TTC7B: variants seen among roughly 807,000 people sequenced by gnomAD.
The protein encoded by TTC7B is tetratricopeptide repeat domain 7B.
In TTC7B, 28 loss-of-function variants were observed where a neutral mutation model predicts 106.8. That is an observed-to-expected ratio of 0.26 (90% CI 0.19 to 0.36). The LOEUF (loss-of-function observed/expected upper bound fraction) is 0.36. TTC7B is among the 10% of genes least tolerant of loss of function. The pLI, the probability that TTC7B is intolerant of heterozygous loss-of-function variation, is 1.00. For synonymous variants in TTC7B, 405 were observed against 430.6 expected (o/e 0.94, Z 0.74); for missense variants, 862 against 1,076.4 (o/e 0.80, Z 2.79).
rs958927346 is a variant in TTC7B at position 90,780,817 on chromosome 14, C to A, written c.366G>T (p.Arg122=). Residue 122 remains arginine (R), a synonymous_variant, in exon 3 of 20, where the codon CGG becomes CGT. Coordinates refer to ENST00000328459, the MANE Select transcript of TTC7B (RefSeq NM_001010854.2). ...TCAGTGGCAGATCGTCCAGGCCCAC[C>A]CGGGCGTAAATGTTCAGAGCTTCTT... ...DYKEALNIYA[R]VGLDDLPLTA... The A allele has an allele frequency of 1.2e-6, 2 of 1,614,272 alleles. No individual in the cohort carries two copies. The highest frequency in any genetic ancestry group is 1.7e-6 in the Non-Finnish European group (2 of 1,180,056).
chr14:90,579,743 G>A (rs1178995892), intron 18 of TTC7B, among the ~76,000 whole-genome samples: 1 of 152,214 alleles, frequency 6.6e-6, no homozygotes, highest in Non-Finnish European at 1.5e-5. Context: ...AGGTTGCAGT[G>A]AGCCAAGATC....
intron 3 of TTC7B, among the ~76,000 whole-genome samples, chr14:90,762,621 A>T (rs1054762543): frequency 6.6e-6 from 1 of 152,222 alleles, no homozygotes; most frequent in African/African-American, 2.4e-5. Context: ...CAAATATAGG[A>T]AGTATTGCTT....
At chr14:90,623,648 G>C (rs1268578660) in intron 15 of TTC7B, among the ~76,000 whole-genome samples, 1 of 152,252 alleles carries the variant, frequency 6.6e-6, no homozygotes, top group Non-Finnish European at 1.5e-5. Flanking sequence ...CCTGAAACTT[G>C]AGTAGGGCTG....
At chr14:90,590,518 T>C (rs910502584) in intron 18 of TTC7B, among the ~76,000 whole-genome samples, 4 of 152,166 alleles carry the variant, frequency 2.6e-5, no homozygotes, top group African/African-American at 9.7e-5. Flanking sequence ...GGCCTTGATC[T>C]AACTAATTTC....
intron 19 of TTC7B, among the ~76,000 whole-genome samples, chr14:90,562,175 G>T (rs539279500): frequency 6.6e-6 from 1 of 152,006 alleles, no homozygotes; most frequent in African/African-American, 2.4e-5. Context: ...GAAAAACCCC[G>T]GTCAGCCCAC....
chr14:90,703,814 T>C (rs1023889807), intron 5 of TTC7B, among the ~76,000 whole-genome samples: 1 of 152,224 alleles, frequency 6.6e-6, no homozygotes, highest in Non-Finnish European at 1.5e-5. Context: ...AACAAAGCAG[T>C]GCTGCTCAGT....
chr14:90,783,030 T>A (rs1891271230), intron 2 of TTC7B, among the ~76,000 whole-genome samples: 2 of 152,076 alleles, frequency 1.3e-5, no homozygotes, highest in African/African-American at 4.8e-5. Flanking sequence ...GAGGCACAGC[T>A]TGGACACACT....
chr14:90,804,979 G>A (rs1412281369), intron 1 of TTC7B, among the ~76,000 whole-genome samples: 1 of 152,208 alleles, frequency 6.6e-6, no homozygotes, highest in East Asian at 1.9e-4. Flanking sequence ...CACAGGGAGG[G>A]AAGGTCATGG....
At chr14:90,628,045 G>A (rs1239551629) in intron 15 of TTC7B, among the ~76,000 whole-genome samples, 2 of 152,234 alleles carry the variant, frequency 1.3e-5, no homozygotes, top group African/African-American at 4.8e-5. Flanking sequence ...CACAGCCAGG[G>A]CTATTCCCGA....
At chr14:90,694,767 CA>C (rs1451610488) in intron 6 of TTC7B, among the ~76,000 whole-genome samples, 1 of 136,544 alleles carries the variant, frequency 7.3e-6, no homozygotes, top group Admixed American at 7.6e-5. Flanking sequence ...AATAAATATA[CA>C]TATAAAATAT....
intron 19 of TTC7B, among the ~76,000 whole-genome samples, chr14:90,547,021 G>A (rs1259724934): frequency 6.6e-6 from 1 of 152,194 alleles, no homozygotes; most frequent in Non-Finnish European, 1.5e-5. Context: ...CCTGTGTGTG[G>A]AGAGGATGCG....
In TTC7B at chr14:90,726,061, G is replaced by A. The variant is rs182686636; in HGVS notation, c.698+4014C>T. On this transcript the variant is annotated intron_variant, in intron 5 of 19. Transcript: ENST00000328459. ...TTCGAGGCTGCAGTGAGCTAGGATC[G>A]TACCACTGCATTCCAGCCTGGGCCA... 4.6e-5 allele frequency among the ~76,000 whole-genome samples: 7 copies of A among 152,294 alleles called. No individual in the cohort carries two copies. The East Asian group carries it at 1.4e-3, about 29-fold the overall frequency.
rs142624382 is a variant in TTC7B, at chr14:90,558,960, C to T, written c.2311-17371G>A. 8.1e-3 allele frequency among the ~76,000 whole-genome samples: 1,240 copies of T among 152,314 alleles called. 11 individuals are homozygous for T. Among genetic ancestry groups the T allele is most frequent in the Non-Finnish European group, 0.012 (794 of 68,030 alleles). ...CTGCCGCCTGGAAACTGCATAGGGG[C>T]GCGGAAATGATGCTTGGGTGACGGC... On this transcript the variant is annotated intron_variant, in intron 19 of 19. Coordinates refer to ENST00000328459, the MANE Select transcript of TTC7B (RefSeq NM_001010854.2).
At chr14:90,687,576 T>C (rs1887295596) in intron 7 of TTC7B, among the ~76,000 whole-genome samples, 1 of 152,214 alleles carries the variant, frequency 6.6e-6, no homozygotes, top group African/African-American at 2.4e-5. Context: ...AAGAAGCATC[T>C]AAAGCAGGGG....
At chr14:90,637,240 T>C (rs1884983825) in intron 15 of TTC7B, among the ~76,000 whole-genome samples, 1 of 152,016 alleles carries the variant, frequency 6.6e-6, no homozygotes, top group African/African-American at 2.4e-5. Flanking sequence ...ATGAATTATC[T>C]TATGCCAATA....
intron 18 of TTC7B, among the ~76,000 whole-genome samples, chr14:90,592,617 G>A (rs1470776024): frequency 6.6e-6 from 1 of 151,836 alleles, no homozygotes; most frequent in Non-Finnish European, 1.5e-5. Flanking sequence ...GCTGAGGCAG[G>A]AGAATCGCTT....
At chr14:90,552,872 G>A (rs61986996) in intron 19 of TTC7B, among the ~76,000 whole-genome samples, 11,970 of 152,216 alleles carry the variant, frequency 0.079, 504 homozygotes, top group Middle Eastern at 0.1. Context: ...GAACCGAAAC[G>A]GGGTGGCTGC....
At chr14:90,621,370 C>T (rs1031136362) in intron 15 of TTC7B, among the ~76,000 whole-genome samples, 11 of 151,886 alleles carry the variant, frequency 7.2e-5, no homozygotes, top group African/African-American at 2.2e-4. Context: ...TGGGCAGAGG[C>T]CACGCGGGTA....
chr14:90,746,725 G>T (rs146545929), intron 3 of TTC7B, among the ~76,000 whole-genome samples: 7 of 152,278 alleles, frequency 4.6e-5, no homozygotes, highest in African/African-American at 1.7e-4. Context: ...CAATTTCTCC[G>T]TAAGGTCTGC....
Sources: allele counts gnomAD v4.1 joint callset (sites outside exome capture counted in the v4.1 genomes callset), GRCh38; gene constraint gnomAD v4.1.1; transcripts MANE v1.5; gene names NCBI Gene and HGNC (gene_info 2026-07-23, HGNC 2026-07-21).